Variants in RCC1L observed in about 807,000 individuals in gnomAD.
RCC1L encodes RCC1 like, also known as RCC1-like G exchanging factor-like protein.
RCC1L carries 46 observed loss-of-function variants against 58.6 expected under a neutral mutation model. That is an observed-to-expected ratio of 0.79 (90% CI 0.62 to 1.00). RCC1L has a LOEUF of 1.00. Ranked by LOEUF, RCC1L falls within the 50% of genes least tolerant of loss-of-function variation. The pLI, the probability that RCC1L is intolerant of heterozygous loss-of-function variation, is 0.00. For missense variants in RCC1L, 636 were observed against 623.6 expected (o/e 1.02, Z -0.21); for synonymous variants, 281 against 262.9 (o/e 1.07, Z -0.67).
chr7:75,031,192 G>A (rs1167359435), intron 10 of RCC1L, among the ~76,000 whole-genome samples: 1 of 152,092 alleles, frequency 6.6e-6, no homozygotes, highest in African/African-American at 2.4e-5. Context: ...TGGATGGATG[G>A]TGTACTGAGG....
intron 4 of RCC1L, among the ~76,000 whole-genome samples, chr7:75,063,657 G>A (rs1408319104): frequency 6.6e-6 from 1 of 152,074 alleles, no homozygotes; most frequent in Non-Finnish European, 1.5e-5. Flanking sequence ...GGTGGGTCAC[G>A]CCTGTAATTC....
At chr7:75,039,543 G>C (rs1805501066), downstream of RCC1L, among the ~76,000 whole-genome samples, 2 of 152,182 alleles carry the variant, frequency 1.3e-5, no homozygotes, top group Non-Finnish European at 2.9e-5. Context: ...AAATTAGTGT[G>C]GAGTGGCGGT....
chr7:75,043,516 C>T (rs1805627448), intron 10 of RCC1L, among the ~76,000 whole-genome samples: 2 of 152,326 alleles, frequency 1.3e-5, no homozygotes, highest in South Asian at 2.1e-4. Context: ...GGCTCCATGC[C>T]CCCAGGCCAG....
Position 75,042,342 on chromosome 7 carries a change from C to T in RCC1L, c.*690G>A, listed in dbSNP as rs1563071545. ...CTGCAGCTGAGCCTTGGCGGATATG[C>T]TCGGGGCCCTCGGCGCAGAGGAACT... On this transcript the variant is annotated 3_prime_UTR_variant, in exon 11 of 11. Coordinates refer to ENST00000610322, the MANE Select transcript of RCC1L (RefSeq NM_030798.5). 1 of 985,636 alleles carries T rather than the reference C, an allele frequency of 1.0e-6. No homozygotes were observed. Among genetic ancestry groups the T allele is most frequent in the South Asian group, 4.7e-5 (1 of 21,294 alleles). The allele number at this position is 985,636 out of a possible 1,614,324, so 61.1% of individuals were successfully genotyped here.
intron 10 of RCC1L, among the ~76,000 whole-genome samples, chr7:75,051,267 TAC>T (rs1437065071): frequency 1.4e-5 from 2 of 147,592 alleles, no homozygotes; most frequent in Non-Finnish European, 3.0e-5. Context: ...TGTGTATATA[TAC>T]ACACATATAT....
intron 10 of RCC1L, among the ~76,000 whole-genome samples, chr7:75,048,430 G>A (rs1010803552): frequency 8.7e-4 from 132 of 152,342 alleles, no homozygotes; most frequent in African/African-American, 3.0e-3. Flanking sequence ...TCTACAGGCA[G>A]AGTCGCAAGT....
At chr7:75,030,044 C>T (rs1266252662) in intron 10 of RCC1L, among the ~76,000 whole-genome samples, 2 of 152,212 alleles carry the variant, frequency 1.3e-5, no homozygotes, top group Non-Finnish European at 2.9e-5. Flanking sequence ...CAGGAGCAGC[C>T]TGGAGCAGAG....
At chr7:75,051,948 T>C (rs1461698824) in intron 10 of RCC1L, among the ~76,000 whole-genome samples, 2 of 152,152 alleles carry the variant, frequency 1.3e-5, no homozygotes, top group South Asian at 2.1e-4. Flanking sequence ...TCATTTTCCA[T>C]AGTGCATTTT....
intron 9 of RCC1L, chr7:75,055,513 G>A (rs587743443): frequency 1.0e-5 from 3 of 288,506 alleles, no homozygotes; most frequent in East Asian, 8.8e-5. Flanking sequence ...GTCTGGGCTC[G>A]GCCAGGGAAT....
intron 4 of RCC1L, 100 bp downstream of exon 4, chr7:75,064,482 C>A (rs1554444814): frequency 7.5e-7 from 1 of 1,327,660 alleles, no homozygotes; most frequent in Non-Finnish European, 1.1e-6. Context: ...CCCTCTCAGG[C>A]ATGCCTCTGA....
intron 2 of RCC1L, among the ~76,000 whole-genome samples, chr7:75,067,027 C>T (rs587633771): frequency 3.3e-5 from 5 of 152,190 alleles, no homozygotes; most frequent in Admixed American, 3.3e-4. Context: ...TCTGGCTGGG[C>T]GCAGTGGCTC....
chr7:75,069,738 T>A (rs1425360405), intron 2 of RCC1L, among the ~76,000 whole-genome samples: 2 of 151,984 alleles, frequency 1.3e-5, no homozygotes, highest in Non-Finnish European at 2.9e-5. Flanking sequence ...TAATTTTTTA[T>A]ATTTTTAGTA....
intron 10 of RCC1L, among the ~76,000 whole-genome samples, chr7:75,028,450 C>T (rs1805204192): frequency 6.6e-6 from 1 of 152,004 alleles, no homozygotes; most frequent in Non-Finnish European, 1.5e-5. Flanking sequence ...GAGCAGGTGA[C>T]CCTGGGGCTG....
chr7:75,056,175 GTTTTT>G (rs1205267212), intron 8 of RCC1L, 101 bp from the exon 9 acceptor site: 12 of 1,250,786 alleles, frequency 9.6e-6, no homozygotes, highest in African/African-American at 9.1e-5. Flanking sequence ...CATCCACACG[GTTTTT>G]TTTTGTTTTT....
chr7:75,070,629 G>A lies in RCC1L; in HGVS notation c.454+11C>T. 6.2e-7 allele frequency: 1 copy of A among 1,613,546 alleles called. No individual in the cohort carries two copies. The highest frequency in any genetic ancestry group is 8.5e-7 in the Non-Finnish European group (1 of 1,179,758). On this transcript the variant is annotated intron_variant, in intron 2 of 10. Transcript: ENST00000610322. ...ATCCCGGCAAAGAGGAGACAAGGTA[G>A]GGATGCTCACTTTTATCTTTCCGGC...
rs1232105230 is a variant in RCC1L, at chr7:75,052,769, T to C, written c.1259A>G (p.Lys420Arg). The change falls in exon 10 of 11, where the codon AAG becomes AGG. Residue 420 changes from lysine (K) to arginine (R), a missense_variant. Coordinates refer to ENST00000610322, the MANE Select transcript of RCC1L (RefSeq NM_030798.5). ...TNKGELFVWG[K>R]NIRGCLGIGR... ...GATTCCCAGGCACCCTCGGATGTTCTTGCCCCATACAAACAGCTCTCCTTT... is the reference window on the plus strand; with the variant it reads ...GATTCCCAGGCACCCTCGGATGTTCCTGCCCCATACAAACAGCTCTCCTTT... 6.2e-7 allele frequency: 1 copy of C among 1,613,356 alleles called. No homozygotes were observed. The highest frequency in any genetic ancestry group is 1.7e-4 in the Middle Eastern group (1 of 6,054).
At chr7:75,056,915 AC>A (rs1806098931) in intron 8 of RCC1L, among the ~76,000 whole-genome samples, 1 of 151,938 alleles carries the variant, frequency 6.6e-6, no homozygotes, top group South Asian at 2.1e-4. Flanking sequence ...GGCTCAAGGG[AC>A]CTTTCTGCCT....
At chr7:75,039,352 G>A (rs13232313), downstream of RCC1L, among the ~76,000 whole-genome samples, 16,711 of 152,298 alleles carry the variant, frequency 0.11, 960 homozygotes, top group South Asian at 0.12. Flanking sequence ...TTATTTGTCA[G>A]GATTTGACTT....
chr7:75,061,659 G>T (rs1181549476), intron 5 of RCC1L, among the ~76,000 whole-genome samples: 1 of 151,988 alleles, frequency 6.6e-6, no homozygotes, highest in East Asian at 1.9e-4. Context: ...TTGCTGTTGG[G>T]ATCTCTCTCC....
Sources: allele counts gnomAD v4.1 joint callset (sites outside exome capture counted in the v4.1 genomes callset), GRCh38; gene constraint gnomAD v4.1.1; transcripts MANE v1.5; gene names NCBI Gene and HGNC (gene_info 2026-07-23, HGNC 2026-07-21).